ADHFE1: variants seen among roughly 807,000 people sequenced by gnomAD.
ADHFE1 encodes the protein alcohol dehydrogenase iron containing 1.
ADHFE1 carries 37 observed loss-of-function variants against 54.8 expected under a neutral mutation model. That is an observed-to-expected ratio of 0.68 (90% CI 0.52 to 0.89). The LOEUF (loss-of-function observed/expected upper bound fraction) is 0.89. Ranked by LOEUF, ADHFE1 falls within the 40% of genes least tolerant of loss-of-function variation. The probability of loss-of-function intolerance (pLI) is 0.00; values close to 1 mark genes in which losing one functional copy is unlikely to be tolerated. For missense variants in ADHFE1, 601 were observed against 591.2 expected, an observed-to-expected ratio of 1.02 and a Z score of -0.17; for synonymous variants, 203 against 229.3, an observed-to-expected ratio of 0.89 and a Z score of 1.04.
chr8:66,468,228 T>G (rs1807303888), intron 13 of ADHFE1, 41 bp from the exon 14 acceptor site: 1 of 1,532,664 alleles, frequency 6.5e-7, no homozygotes, highest in African/African-American at 1.4e-5. Flanking sequence ...ACAAACTGCC[T>G]TTTCAAAGCC....
At chr8:66,442,457 C>T (rs536879470) in intron 2 of ADHFE1, among the ~76,000 whole-genome samples, 1 of 151,962 alleles carries the variant, frequency 6.6e-6, no homozygotes, top group Admixed American at 6.6e-5. Context: ...ACTACAGGCG[C>T]TCGCCACCAC....
chr8:66,453,865 C>T, intron 9 of ADHFE1, 194 bp from the exon 10 acceptor site: 1 of 1,493,736 alleles, frequency 6.7e-7, no homozygotes, highest in Non-Finnish European at 9.0e-7. Context: ...TTTGCTGAAA[C>T]AGTTGATGAG....
At chr8:66,441,303 C>T (rs1322854091) in intron 2 of ADHFE1, among the ~76,000 whole-genome samples, 1 of 152,136 alleles carries the variant, frequency 6.6e-6, no homozygotes, top group Non-Finnish European at 1.5e-5. Context: ...GCGGTACAGT[C>T]GTAGCTCACT....
chr8:66,442,783 C>T lies in ADHFE1; in HGVS notation c.98-15C>T. 1 of 1,596,352 alleles carries T rather than the reference C, an allele frequency of 6.3e-7. No individual in the cohort carries two copies. The highest frequency in any genetic ancestry group is 8.5e-7 in the Non-Finnish European group (1 of 1,175,212). ...TTTTAAAGACCCACTTTGATGCTAACTTTTACATTTCTAGCCCCTGGACTT... is the reference window on the plus strand; with the variant it reads ...TTTTAAAGACCCACTTTGATGCTAATTTTTACATTTCTAGCCCCTGGACTT... On this transcript the variant is annotated splice_polypyrimidine_tract_variant and intron_variant, in intron 2 of 13. Transcript: ENST00000396623.
intron 12 of ADHFE1, among the ~76,000 whole-genome samples, chr8:66,457,481 A>C (rs985813393): frequency 3.4e-5 from 5 of 146,848 alleles, no homozygotes; most frequent in African/African-American, 1.2e-4. Context: ...CTCTCTCTCA[A>C]AAAAAAAAAA....
chr8:66,462,112 A>T (rs1806932392), intron 13 of ADHFE1, among the ~76,000 whole-genome samples: 1 of 152,204 alleles, frequency 6.6e-6, no homozygotes, highest in Admixed American at 6.5e-5. Flanking sequence ...AAACGAACAC[A>T]TACCTCCATT....
chr8:66,439,657 G>C lies in ADHFE1; in HGVS notation c.60-505G>C. On this transcript the variant is annotated intron_variant, in intron 1 of 13. Transcript: ENST00000396623. This position sits in a 1 kb window ranked among gnomAD's most constrained non-coding sequence, Gnocchi z 4.4. ...GGACCAGGGAGGTCTTTGGGTCCAG[G>C]AAGTTCTCCTGGAGGCTCAGGTCTA... is the stretch of plus-strand genomic sequence containing the variant. The C allele has an allele frequency of 1.0e-6, 1 of 985,958 alleles. No homozygotes were observed. Among genetic ancestry groups the C allele is most frequent in the Non-Finnish European group, 1.2e-6 (1 of 830,350 alleles). The allele number at this position is 985,958 out of a possible 1,614,324, so 61.1% of individuals were successfully genotyped here.
Position 66,447,230 on chromosome 8 carries a change from A to G in ADHFE1, c.551-34A>G, listed in dbSNP as rs538443206. 2.5e-6 allele frequency: 4 copies of G among 1,583,068 alleles called. No individual in the cohort carries two copies. In the Admixed American group the frequency reaches 5.0e-5, roughly 20 times the overall value. On this transcript the variant is annotated intron_variant, in intron 6 of 13. Transcript: ENST00000396623. ...GGTATCTCCACTAACCTTTATTTAG[A>G]TGCTTTATTAAAATTAATATTATTT...
At chr8:66,445,496 C>A in intron 6 of ADHFE1, 82 bp downstream of exon 6, 1 of 1,336,872 alleles carries the variant, frequency 7.5e-7, no homozygotes, top group Non-Finnish European at 1.0e-6. Flanking sequence ...GTCCTTTTAA[C>A]ATACACATTT....
At chr8:66,467,624 G>A (rs1474518866) in intron 13 of ADHFE1, among the ~76,000 whole-genome samples, 1 of 152,114 alleles carries the variant, frequency 6.6e-6, no homozygotes, top group East Asian at 1.9e-4. Context: ...TCATGCAGGT[G>A]CCAGGGGAGT....
At position 66,432,573 on chromosome 8, in the gene ADHFE1, A is replaced by G. The variant is rs1805251594; in HGVS notation, c.57A>G (p.Ala19=). 3 of 1,337,708 alleles carry G rather than the reference A, an allele frequency of 2.2e-6. No individual in the cohort carries two copies. The highest frequency in any genetic ancestry group is 2.9e-6 in the Non-Finnish European group (3 of 1,036,328). 82.9% of individuals were successfully genotyped at this position (1,337,708 alleles called of 1,614,324 possible). A position where few individuals can be genotyped will look rare whatever the true frequency, so the allele number is the denominator to read the frequency against. The change falls in exon 1 of 14, where the codon GCA becomes GCG. Residue 19 remains alanine (A), a splice_region_variant and synonymous_variant. Transcript: ENST00000396623. ...ACTTGCTGAGGCAACTGCAACGCGC[A>G]GCGTGAGTGCGGGGCCGGCGGGCGG... ...VAYLLRQLQR[A]ACQCPTHSHT... is the part of the protein sequence containing the mutation.
In ADHFE1 at chr8:66,445,717, C is replaced by T. The variant is rs530019560; in HGVS notation, c.550+303C>T. On this transcript the variant is annotated intron_variant, in intron 6 of 13. Transcript: ENST00000396623. ...GAGATCCCTCTGTCAGCAGCTTTGT[C>T]CTTTAAACTGCTCTCTGTTTTGTCC... 1.6e-3 allele frequency among the ~76,000 whole-genome samples: 250 copies of T among 152,320 alleles called. 2 individuals carry two copies. The highest frequency in any genetic ancestry group is 2.8e-3 in the Non-Finnish European group (193 of 68,038).
chr8:66,445,900 A>G (rs929582805), intron 6 of ADHFE1, among the ~76,000 whole-genome samples: 2 of 152,206 alleles, frequency 1.3e-5, no homozygotes, highest in African/African-American at 4.8e-5. Context: ...GCTGGGTGAC[A>G]TCTGCTCTGT....
At chr8:66,434,898 G>C (rs981492101) in intron 1 of ADHFE1, among the ~76,000 whole-genome samples, 7 of 151,792 alleles carry the variant, frequency 4.6e-5, no homozygotes, top group African/African-American at 1.7e-4. Context: ...AGAATCACTT[G>C]AATCTGGGAG....
At position 66,439,165 on chromosome 8, in the gene ADHFE1, A is replaced by T. The variant is rs1210164359; in HGVS notation, c.60-997A>T. On this transcript the variant is annotated intron_variant, in intron 1 of 13. Transcript: ENST00000396623. The surrounding 1 kb of genome is among the most constrained non-coding windows in gnomAD (Gnocchi z 4.4). ...TGACTTCGCAGTTCGAATTTTTGAG[A>T]TCTGGACGGCCACTGAGATCAACCC... 6.1e-6 allele frequency: 6 copies of T among 983,856 alleles called. No individual in the cohort carries two copies. In the African/African-American group the frequency reaches 1.0e-4, roughly 17 times the overall value. 60.9% of individuals were successfully genotyped at this position (983,856 alleles called of 1,614,324 possible).
At position 66,468,587 on chromosome 8, in the gene ADHFE1, G is replaced by A. The variant is rs1807314362; in HGVS notation, c.*235G>A. 7.5e-6 allele frequency: 2 copies of A among 267,786 alleles called. No homozygotes were observed. Among genetic ancestry groups the A allele is most frequent in the East Asian group, 7.6e-5 (1 of 13,236 alleles). The allele number at this position is 267,786 out of a possible 1,614,324, so 16.6% of individuals were successfully genotyped here. A position where few individuals can be genotyped will look rare whatever the true frequency, so the allele number is the denominator to read the frequency against. Reference sequence around the variant, plus strand: ...CCCCCAGGCTCGACTTCAGGGGTCAGTGTTCCTGTCCCAAACCCCACACAG... The same window carrying A: ...CCCCCAGGCTCGACTTCAGGGGTCAATGTTCCTGTCCCAAACCCCACACAG... On this transcript the variant is annotated 3_prime_UTR_variant, in exon 14 of 14. Coordinates refer to ENST00000396623, the MANE Select transcript of ADHFE1 (RefSeq NM_144650.3).
At chr8:66,444,200 T>C (rs1436261126) in intron 3 of ADHFE1, among the ~76,000 whole-genome samples, 167 bp from the exon 4 acceptor site, 1 of 152,196 alleles carries the variant, frequency 6.6e-6, no homozygotes, top group Non-Finnish European at 1.5e-5. Context: ...GGAAGTGTGG[T>C]GCGTCCACAC....
At chr8:66,435,263 T>G (rs1031732994) in intron 1 of ADHFE1, among the ~76,000 whole-genome samples, 1 of 152,212 alleles carries the variant, frequency 6.6e-6, no homozygotes, top group African/African-American at 2.4e-5. Context: ...ACCTGGTGGC[T>G]TAACACACAT....
chr8:66,439,449 G>T lies in ADHFE1; in HGVS notation c.60-713G>T. On this transcript the variant is annotated intron_variant, in intron 1 of 13. Transcript: ENST00000396623. The surrounding 1 kb of genome is among the most constrained non-coding windows in gnomAD (Gnocchi z 4.4). ...GGACAGGAAGAGGGACCACAGCCAG[G>T]GGAGGGAGGGTTTCCAAAAAGGAGG... 1 of 986,136 alleles carries T rather than the reference G, an allele frequency of 1.0e-6. No homozygotes were observed. Among genetic ancestry groups the T allele is most frequent in the Non-Finnish European group, 1.2e-6 (1 of 830,360 alleles). 61.1% of individuals were successfully genotyped at this position (986,136 alleles called of 1,614,324 possible).
Sources: gnomAD v4.1 joint callset for allele counts (sites outside exome capture counted in the v4.1 genomes callset) on GRCh38, gnomAD v4.1.1 for gene constraint, Gnocchi (gnomAD v3.1) non-coding constraint, MANE v1.5 for transcripts, NCBI Gene and HGNC (gene_info 2026-07-23, HGNC 2026-07-21) for gene names.